Variants in NOP9 observed in about 807,000 individuals in gnomAD.
NOP9 encodes nucleolar protein 9.
Under a neutral mutation model 63.0 loss-of-function variants are expected in NOP9, and 50 were observed. That is an observed-to-expected ratio of 0.79 (90% CI 0.63 to 1.00). The LOEUF (loss-of-function observed/expected upper bound fraction) is 1.00, where lower values mean the gene tolerates loss of function less well. Ranked by LOEUF, NOP9 falls within the 50% of genes least tolerant of loss-of-function variation. The pLI is 0.00. For missense variants in NOP9, 758 were observed against 803.0 expected (o/e 0.94, Z 0.68); for synonymous variants, 343 against 332.8 (o/e 1.03, Z -0.33).
At chr14:24,284,149 C>G in the NOP9 span, among the ~76,000 whole-genome samples, 1 of 152,208 alleles carries the variant, frequency 6.6e-6, no homozygotes, top group Non-Finnish European at 1.5e-5. Context: ...AATGTCCTGT[C>G]ACCCCCCAGG....
At chr14:24,292,652 C>T in the NOP9 span, 38 of 1,614,088 alleles carry the variant, frequency 2.4e-5, no homozygotes, top group Middle Eastern at 3.3e-4. Context: ...GGGTCCTCAC[C>T]GCAGCTTTGC....
the NOP9 span, chr14:24,291,922 G>A: frequency 3.3e-6 from 2 of 603,610 alleles, no homozygotes; most frequent in African/African-American, 1.9e-5. Flanking sequence ...CAAGTGCATG[G>A]TCTTTGGAGC....
the NOP9 span, among the ~76,000 whole-genome samples, chr14:24,282,189 A>C: frequency 1.3e-5 from 2 of 152,208 alleles, no homozygotes; most frequent in Non-Finnish European, 2.9e-5. Flanking sequence ...TCTGTCTCAA[A>C]AACCAAACCA....
the NOP9 span, chr14:24,294,025 T>C: frequency 6.6e-6 from 1 of 152,132 alleles, no homozygotes; most frequent in African/African-American, 2.4e-5. Context: ...AACCGACCAG[T>C]TATTTGAGTT....
At position 24,300,054 on chromosome 14, in the gene NOP9, G is replaced by A. The variant is rs751697679; in HGVS notation, c.100G>A (p.Gly34Ser). ...GAKGSGRPLP[G>S]RKRQPWPPPD... is the part of the protein sequence containing the mutation. ...CAAGGGGTCGGGGCGCCCCTTACCA[G>A]GCCGTAAGCGGCAACCCTGGCCGCC... The change falls in exon 1 of 10, where the codon GGC (glycine) becomes AGC (serine). Residue 34 changes from glycine (G) to serine (S), a missense_variant. By Grantham distance (56) the Gly-to-Ser change is moderately conservative. Coordinates refer to ENST00000267425, the MANE Select transcript of NOP9 (RefSeq NM_174913.3). The A allele has an allele frequency of 1.3e-5, 21 of 1,611,822 alleles. No homozygotes were observed. The highest frequency in any genetic ancestry group is 1.6e-5 in the Non-Finnish European group (19 of 1,179,590).
At chr14:24,281,978 C>T in the NOP9 span, among the ~76,000 whole-genome samples, 10,745 of 152,218 alleles carry the variant, frequency 0.071, 424 homozygotes, top group East Asian at 0.14. Context: ...GAGGCCAAGG[C>T]GGGCGGATCA....
At chr14:24,294,756 C>T in the NOP9 span, 1 of 152,110 alleles carries the variant, frequency 6.6e-6, no homozygotes, top group African/African-American at 2.4e-5. Context: ...AGATGATTTA[C>T]AAAAGAACAA....
chr14:24,281,487 A>C, the NOP9 span, among the ~76,000 whole-genome samples: 3 of 152,200 alleles, frequency 2.0e-5, no homozygotes, highest in African/African-American at 7.2e-5. Context: ...ATGGGGGATG[A>C]AGGGTTCAAG....
chr14:24,305,219 A>G lies in NOP9; in HGVS notation c.*124A>G. On this transcript the variant is annotated 3_prime_UTR_variant, in exon 10 of 10. Transcript: ENST00000267425. Reference sequence around the variant, plus strand: ...TAAATATTTGATATTTTTATTGGAAATGTTTTTGTTAGTTTGAGGGGAAGG... The same window carrying G: ...TAAATATTTGATATTTTTATTGGAAGTGTTTTTGTTAGTTTGAGGGGAAGG... 1 of 1,098,196 alleles carries G rather than the reference A, an allele frequency of 9.1e-7. No individual in the cohort carries two copies. The highest frequency in any genetic ancestry group is 1.2e-6 in the Non-Finnish European group (1 of 819,720). 68.0% of individuals were successfully genotyped at this position (1,098,196 alleles called of 1,614,324 possible).
the NOP9 span, among the ~76,000 whole-genome samples, chr14:24,286,891 C>T: frequency 6.7e-6 from 1 of 149,642 alleles, no homozygotes; most frequent in South Asian, 2.1e-4. Context: ...CCACCGCGCC[C>T]GGCCTATTTT....
chr14:24,281,273 G>A, the NOP9 span, among the ~76,000 whole-genome samples: 1 of 152,204 alleles, frequency 6.6e-6, no homozygotes, highest in East Asian at 1.9e-4. Context: ...GGATCAATGA[G>A]TCCTTAGAGG....
At position 24,306,953 on chromosome 14, in the gene NOP9, T is replaced by A. The variant is rs1212912694; in HGVS notation, c.*1858T>A. ...CCAGGTATGAGGACTTTACCTACAT[T>A]ATCCTCTTACTCCTTTCAACAACCC... On this transcript the variant is annotated 3_prime_UTR_variant, in exon 10 of 10. Coordinates refer to ENST00000267425, the MANE Select transcript of NOP9 (RefSeq NM_174913.3). 3.8e-6 allele frequency: 1 copy of A among 260,560 alleles called. No individual in the cohort carries two copies. Among genetic ancestry groups the A allele is most frequent in the Non-Finnish European group, 7.5e-6 (1 of 133,360 alleles). 16.1% of individuals were successfully genotyped at this position (260,560 alleles called of 1,614,324 possible).
At chr14:24,282,439 A>G in the NOP9 span, among the ~76,000 whole-genome samples, 35 of 152,188 alleles carry the variant, frequency 2.3e-4, no homozygotes, top group African/African-American at 7.7e-4. Context: ...CAGGTGCCCA[A>G]TAAACCTGAA....
Position 24,299,935 on chromosome 14 carries a change from G to T in NOP9, c.-20G>T. 6.6e-7 allele frequency: 1 copy of T among 1,518,554 alleles called. No homozygotes were observed. Among genetic ancestry groups the T allele is most frequent in the Non-Finnish European group, 8.8e-7 (1 of 1,134,396 alleles). The allele number at this position is 1,518,554 out of a possible 1,614,324, so 94.1% of individuals were successfully genotyped here. A position where few individuals can be genotyped will look rare whatever the true frequency, so the allele number is the denominator to read the frequency against. On this transcript the variant is annotated 5_prime_UTR_variant, in exon 1 of 10. Coordinates refer to ENST00000267425, the MANE Select transcript of NOP9 (RefSeq NM_174913.3). ...CGCAGTTAAGGAAGCTTTTGCAGCC[G>T]GACAGGTCGCGAAGCACACATGGGG...
the NOP9 span, chr14:24,290,848 G>T: frequency 6.2e-7 from 1 of 1,613,642 alleles, no homozygotes; most frequent in South Asian, 1.1e-5. Flanking sequence ...CGTAGTGTCA[G>T]ACCAGGAGGG....
At chr14:24,284,915 G>A in the NOP9 span, among the ~76,000 whole-genome samples, 1 of 152,122 alleles carries the variant, frequency 6.6e-6, no homozygotes, top group Non-Finnish European at 1.5e-5. Context: ...TCACTTCCCT[G>A]GCCTGCCAGA....
At chr14:24,301,559 C>G (rs2041376453) in intron 2 of NOP9, 53 bp from the exon 3 acceptor site, 1 of 1,604,204 alleles carries the variant, frequency 6.2e-7, no homozygotes, top group Non-Finnish European at 8.5e-7. Context: ...TTTTTCTCTC[C>G]TGGATGGCAG....
upstream of NOP9, chr14:24,299,766 G>C: frequency 1.5e-6 from 1 of 649,218 alleles, no homozygotes; most frequent in East Asian, 2.9e-5. Flanking sequence ...CCTGCGGATG[G>C]GGGCGGAGCG....
At chr14:24,286,273 C>A in the NOP9 span, among the ~76,000 whole-genome samples, 2 of 152,206 alleles carry the variant, frequency 1.3e-5, no homozygotes. Flanking sequence ...GTCCCAGGTC[C>A]CTGTTGACTC....
Sources: gnomAD v4.1 joint callset for allele counts (sites outside exome capture counted in the v4.1 genomes callset) on GRCh38, gnomAD v4.1.1 for gene constraint, MANE v1.5 for transcripts, NCBI Gene and HGNC (gene_info 2026-07-23, HGNC 2026-07-21) for gene names.